Variants in KIF23 observed in about 807,000 individuals in gnomAD.
KIF23 encodes kinesin-like protein KIF23.
Under a neutral mutation model 137.5 loss-of-function variants are expected in KIF23, and 30 were observed. That is an observed-to-expected ratio of 0.22 (90% CI 0.16 to 0.30). The LOEUF is 0.30. KIF23 is among the 10% of genes least tolerant of loss of function. KIF23 has a pLI of 1.00. For synonymous variants in KIF23, 367 were observed against 391.1 expected (o/e 0.94, Z 0.73); for missense variants, 920 against 1,194.3 (o/e 0.77, Z 3.38).
At position 69,436,722 on chromosome 15, in the gene KIF23, T is replaced by C; in HGVS notation, c.1597T>C (p.Ser533Pro). Residue 533 changes from serine to proline, a missense_variant and splice_region_variant, in exon 15 of 24, where the codon TCT becomes CCT. This residue lies in a region of KIF23 where 714 missense variants were observed against 866.2 expected (regional missense o/e 0.82). Transcript: ENST00000679126. ...GATGATTGATGAGTTTAACAAACAA[T>C]GTAAGGGCAAAACTATTTGAAATAA... The part of the protein sequence containing the change: ...QMMIDEFNKQ[S>P]NAFKALLQEF... The C allele has an allele frequency of 2.6e-6, 4 of 1,521,710 alleles. No homozygotes were observed. The highest frequency in any genetic ancestry group is 2.7e-6 in the Non-Finnish European group (3 of 1,130,316). 94.3% of individuals were successfully genotyped at this position (1,521,710 alleles called of 1,614,324 possible).
At chr15:69,423,126 A>T in intron 6 of KIF23, 33 bp from the exon 7 acceptor site, 1 of 1,378,924 alleles carries the variant, frequency 7.3e-7, no homozygotes, top group Non-Finnish European at 1.0e-6. Flanking sequence ...AAATGGACTT[A>T]TAACGTATAC....
intron 3 of KIF23, among the ~76,000 whole-genome samples, chr15:69,417,830 G>A (rs773198529): frequency 1.7e-4 from 26 of 152,160 alleles, no homozygotes; most frequent in Non-Finnish European, 3.1e-4. Flanking sequence ...ACAACTTGAT[G>A]TGTGGAAATG....
chr15:69,436,756 AATT>A (rs755143145), intron 15 of KIF23, 34 bp downstream of exon 15: 1 of 1,371,766 alleles, frequency 7.3e-7, no homozygotes, highest in South Asian at 1.6e-5. Flanking sequence ...AATTTTATTT[AATT>A]ATTTTTTTTT....
Position 69,445,052 on chromosome 15 carries a change from A to G in KIF23, c.2673+11A>G, listed in dbSNP as rs1005169265. On this transcript the variant is annotated intron_variant, in intron 20 of 23. Transcript: ENST00000679126. Reference sequence around the variant, plus strand: ...ACTAAACTAATTAAGGTAAAAAACTAATTTTCACAGGAGAAAAAAATATAT... The same window carrying G: ...ACTAAACTAATTAAGGTAAAAAACTGATTTTCACAGGAGAAAAAAATATAT... 3.8e-6 allele frequency: 6 copies of G among 1,591,490 alleles called. No homozygotes were observed. Among genetic ancestry groups the G allele is most frequent in the Admixed American group, 1.8e-5 (1 of 55,678 alleles).
Position 69,438,377 on chromosome 15 carries a change from A to G in KIF23, c.1727A>G (p.Glu576Gly). 6.2e-7 allele frequency: 1 copy of G among 1,606,940 alleles called. No homozygotes were observed. Among genetic ancestry groups the G allele is most frequent in the African/African-American group, 1.3e-5 (1 of 74,392 alleles). ...CAGAAATTGGAAATAGAACGACTGG[A>G]AAAGAAAAACAAAACTTTAGAATAT... is the stretch of plus-strand genomic sequence containing the variant. ...SGQKLEIERL[E>G]KKNKTLEYKI... The change falls in exon 16 of 24, where the codon GAA becomes GGA. Residue 576 changes from glutamate (E) to glycine (G), a missense_variant. Physicochemically the swap from Glu to Gly is moderately conservative, Grantham distance 98. Coordinates refer to ENST00000679126, the MANE Select transcript of KIF23 (RefSeq NM_001367805.3).
chr15:69,429,286 T>G lies in KIF23; in HGVS notation c.1114+73T>G, dbSNP rs543727828. On this transcript the variant is annotated intron_variant, in intron 11 of 23. Coordinates refer to ENST00000679126, the MANE Select transcript of KIF23 (RefSeq NM_001367805.3). Reference sequence around the variant, plus strand: ...GCAATGCCAGTTTATTATCTACTTATCAATGGGTGGTTCTTTGTTTTTTAA... The same window carrying G: ...GCAATGCCAGTTTATTATCTACTTAGCAATGGGTGGTTCTTTGTTTTTTAA... 4.4e-5 allele frequency: 43 copies of G among 971,426 alleles called. No homozygotes were observed. The East Asian group carries it at 1.1e-3, about 24-fold the overall frequency. 60.2% of individuals were successfully genotyped at this position (971,426 alleles called of 1,614,324 possible).
At chr15:69,438,525 C>T (rs536905900) in intron 16 of KIF23, 120 bp downstream of exon 16, 213 of 853,650 alleles carry the variant, frequency 2.5e-4, no homozygotes, top group East Asian at 9.4e-4. Context: ...CGGTTGAGTG[C>T]GGTGGCTCAT....
intron 11 of KIF23, among the ~76,000 whole-genome samples, chr15:69,432,464 G>A (rs1326696652): frequency 6.6e-6 from 1 of 152,098 alleles, no homozygotes; most frequent in Non-Finnish European, 1.5e-5. Flanking sequence ...GAGGAACTAG[G>A]AAAATGTTGC....
chr15:69,438,474 T>C (rs997165460), intron 16 of KIF23, 69 bp downstream of exon 16: 10 of 1,435,972 alleles, frequency 7.0e-6, no homozygotes, highest in Non-Finnish European at 8.4e-6. Context: ...AGGGAGATAT[T>C]GTGCTCCAAC....
At chr15:69,436,432 G>A (rs780647704) in intron 14 of KIF23, 132 bp from the exon 15 acceptor site, 5 of 1,192,358 alleles carry the variant, frequency 4.2e-6, no homozygotes, top group Non-Finnish European at 5.9e-6. Context: ...TGATTCTTAG[G>A]TAAGTAAACT....
At chr15:69,434,669 C>G in intron 11 of KIF23, 1 of 1,479,864 alleles carries the variant, frequency 6.8e-7, no homozygotes, top group Non-Finnish European at 9.4e-7. Flanking sequence ...ACCCTCCTGT[C>G]TTGAGTTCGC....
chr15:69,433,493 TTGACTGTTAG>T lies in KIF23; in HGVS notation c.1115-1989_1115-1980del, dbSNP rs577578125. On this transcript the variant is annotated intron_variant, in intron 11 of 23. Transcript: ENST00000679126. ...CAGAGTTAGCTGATTCTGAAGACACTTGACTGTTAGAAACAACAGGAGAGCCCCTCTAGAT... is the reference window on the plus strand; with the variant it reads ...CAGAGTTAGCTGATTCTGAAGACACTAAACAACAGGAGAGCCCCTCTAGAT... Among the ~76,000 whole-genome samples the T allele has an allele frequency of 1.1e-4, 16 of 152,272 alleles. No homozygotes were observed. In the East Asian group the frequency reaches 2.9e-3, roughly 28 times the overall value.
chr15:69,432,597 C>T (rs2057382381), intron 11 of KIF23, among the ~76,000 whole-genome samples: 1 of 151,928 alleles, frequency 6.6e-6, no homozygotes, highest in Admixed American at 6.6e-5. Flanking sequence ...GGTTGCAGGG[C>T]TGTGTGCCAT....
chr15:69,446,440 T>G (rs2057742092), intron 22 of KIF23, 76 bp downstream of exon 22: 2 of 1,145,742 alleles, frequency 1.7e-6, no homozygotes, highest in Admixed American at 1.9e-5. Flanking sequence ...GCTCTAGATT[T>G]TTATGCTCTT....
At position 69,434,689 on chromosome 15, in the gene KIF23, T is replaced by C. The variant is rs2057430999; in HGVS notation, c.1115-794T>C. 3.4e-6 allele frequency: 5 copies of C among 1,475,402 alleles called. No individual in the cohort carries two copies. The Middle Eastern group carries it at 5.2e-4, about 153-fold the overall frequency. The allele number at this position is 1,475,402 out of a possible 1,614,324, so 91.4% of individuals were successfully genotyped here. ...CCTGTCTTGAGTTCGCCGTTGACCT[T>C]GAGCCAGAGCCTCAGATTGGGAGGA... is the stretch of plus-strand genomic sequence containing the variant. On this transcript the variant is annotated intron_variant, in intron 11 of 23. Transcript: ENST00000679126.
In KIF23 at chr15:69,445,048, A is replaced by G. The variant is rs373253717; in HGVS notation, c.2673+7A>G. On this transcript the variant is annotated splice_region_variant and intron_variant, in intron 20 of 23. Transcript: ENST00000679126. ...TGAAACTAAACTAATTAAGGTAAAA[A>G]ACTAATTTTCACAGGAGAAAAAAAT... The G allele has an allele frequency of 2.9e-5, 46 of 1,594,046 alleles. No homozygotes were observed. The highest frequency in any genetic ancestry group is 2.6e-4 in the African/African-American group (19 of 73,948).
chr15:69,426,441 G>C lies in KIF23; in HGVS notation c.995G>C (p.Gly332Ala). 1.2e-6 allele frequency: 2 copies of C among 1,614,132 alleles called. No individual in the cohort carries two copies. The highest frequency in any genetic ancestry group is 2.7e-5 in the African/African-American group (2 of 75,048). The part of the protein sequence containing the change: ...KLVQAPLDAD[G>A]DNVLQEKEQI... ...GTTCAGGCTCCCTTGGATGCAGATG[G>C]AGACAATGTCTTACAGGTAAAGTTG... Residue 332 changes from glycine to alanine, a missense_variant, in exon 10 of 24, where the codon GGA (glycine) becomes GCA (alanine). Transcript: ENST00000679126.
rs190899407 is a variant in KIF23, at chr15:69,416,811, T to C, written c.82-572T>C. Among the ~76,000 whole-genome samples the C allele has an allele frequency of 2.8e-3, 428 of 152,076 alleles. 2 individuals carry two copies. The highest frequency in any genetic ancestry group is 4.3e-3 in the Non-Finnish European group (295 of 67,972). On this transcript the variant is annotated intron_variant, in intron 2 of 23. Coordinates refer to ENST00000679126, the MANE Select transcript of KIF23 (RefSeq NM_001367805.3). ...CTCTACTAAAATTACAAAAATTAGC[T>C]GGGTGTGGTGGTGGGTGCCTGTAAT...
intron 11 of KIF23, among the ~76,000 whole-genome samples, chr15:69,432,691 T>G (rs1226881231): frequency 6.6e-6 from 1 of 152,222 alleles, no homozygotes; most frequent in African/African-American, 2.4e-5. Flanking sequence ...GGAAACCAAT[T>G]GCATTGAAAT....
Sources: gnomAD v4.1 joint callset for allele counts (sites outside exome capture counted in the v4.1 genomes callset) on GRCh38, gnomAD v4.1.1 for gene constraint, gnomAD v4.1.1 regional missense constraint, MANE v1.5 for transcripts, NCBI Gene and HGNC (gene_info 2026-07-23, HGNC 2026-07-21) for gene names.